Variants in SF3B1 observed in about 807,000 individuals in gnomAD.
SF3B1 encodes splicing factor 3b subunit 1, also known as pre-mRNA processing 10.
SF3B1 carries 12 observed loss-of-function variants against 153.8 expected under a neutral mutation model. The observed-to-expected ratio is 0.08, with a 90% CI of 0.05 to 0.13. The LOEUF (loss-of-function observed/expected upper bound fraction) is 0.13. SF3B1 is among the 10% of genes least tolerant of loss of function. The pLI, the probability that SF3B1 is intolerant of heterozygous loss-of-function variation, is 1.00. For synonymous variants in SF3B1, 498 were observed against 525.2 expected (o/e 0.95, Z 0.71); for missense variants, 513 against 1,606.1 (o/e 0.32, Z 11.63).
At chr2:197,432,814 C>T (rs1339988321) in intron 1 of SF3B1, among the ~76,000 whole-genome samples, 2 of 151,658 alleles carry the variant, frequency 1.3e-5, no homozygotes, top group African/African-American at 4.8e-5. Context: ...TGCTGTGAGC[C>T]GAGATTGCAC....
At position 197,391,951 on chromosome 2, in the gene SF3B1, C is replaced by T. The variant is rs1010705134; in HGVS notation, c.*352G>A. ...TATCAAAGTTCCGCATTTTACAAGT[C>T]ATGTTCAAAAAACACACACAAATTA... is the stretch of plus-strand genomic sequence containing the variant. On this transcript the variant is annotated 3_prime_UTR_variant, in exon 25 of 25. Coordinates refer to ENST00000335508, the MANE Select transcript of SF3B1 (RefSeq NM_012433.4). The T allele has an allele frequency of 5.0e-6, 1 of 199,146 alleles. No homozygotes were observed. Among genetic ancestry groups the T allele is most frequent in the Non-Finnish European group, 1.0e-5 (1 of 96,468 alleles). 12.3% of individuals were successfully genotyped at this position (199,146 alleles called of 1,614,324 possible).
chr2:197,398,022 T>C lies in SF3B1; in HGVS notation c.3229A>G (p.Thr1077Ala). ...GCAATATAACCAAATGTGTTGACTG[T>C]GGCTCTACGAATAGCCTTTTTGTGG... ...KAHKKAIRRA[T>A]VNTFGYIAKA... Residue 1077 changes from threonine to alanine, a missense_variant, in exon 22 of 25, where the codon ACA becomes GCA. This residue lies in a region of SF3B1 where 17 missense variants were observed against 246.2 expected (regional missense o/e 0.07). Coordinates refer to ENST00000335508, the MANE Select transcript of SF3B1 (RefSeq NM_012433.4). The C allele has an allele frequency of 6.2e-7, 1 of 1,613,674 alleles. No homozygotes were observed. The highest frequency in any genetic ancestry group is 8.5e-7 in the Non-Finnish European group (1 of 1,179,614).
rs973265571 is a variant in SF3B1 at position 197,390,161 on chromosome 2, A to G, written c.*2142T>C. On this transcript the variant is annotated 3_prime_UTR_variant, in exon 25 of 25. Coordinates refer to ENST00000335508, the MANE Select transcript of SF3B1 (RefSeq NM_012433.4). Reference sequence around the variant, plus strand: ...AATGTTTTAGGTCATAGCTTTCACTACTTCCCTCCTCTCTATCCTCAAATT... The same window carrying G: ...AATGTTTTAGGTCATAGCTTTCACTGCTTCCCTCCTCTCTATCCTCAAATT... 2.6e-5 allele frequency: 4 copies of G among 152,162 alleles called. No individual in the cohort carries two copies. The highest frequency in any genetic ancestry group is 2.0e-4 in the Admixed American group (3 of 15,264). 9.4% of individuals were successfully genotyped at this position (152,162 alleles called of 1,614,324 possible).
chr2:197,417,019 T>C (rs699318), intron 5 of SF3B1, 108 bp from the exon 6 acceptor site: 766,172 of 1,126,530 alleles, frequency 0.68, 262,924 homozygotes, highest in Middle Eastern at 0.85. Flanking sequence ...GCTCATTCTC[T>C]TTTCTATGTA....
chr2:197,392,240 C>T lies in SF3B1; in HGVS notation c.*63G>A, dbSNP rs2084817141. 6 of 730,146 alleles carry T rather than the reference C, an allele frequency of 8.2e-6. No homozygotes were observed. The East Asian group carries it at 1.0e-4, about 12-fold the overall frequency. The allele number at this position is 730,146 out of a possible 1,614,324, so 45.2% of individuals were successfully genotyped here. A position where few individuals can be genotyped will look rare whatever the true frequency, so the allele number is the denominator to read the frequency against. ...CTGCAATGTTTAAAAGTTTACATCA[C>T]CAAATCAAAGCAAGTTTAAGGTGTG... On this transcript the variant is annotated 3_prime_UTR_variant, in exon 25 of 25. Transcript: ENST00000335508.
chr2:197,404,561 A>G (rs1480812354), intron 11 of SF3B1, among the ~76,000 whole-genome samples: 1 of 151,990 alleles, frequency 6.6e-6, no homozygotes. Flanking sequence ...TGGGCAAGAG[A>G]GCAAGACCCT....
At chr2:197,420,178 C>T in intron 4 of SF3B1, 1 of 417,652 alleles carries the variant, frequency 2.4e-6, no homozygotes. Flanking sequence ...AAAGTAAAAC[C>T]TTTAACCCTT....
intron 9 of SF3B1, among the ~76,000 whole-genome samples, chr2:197,406,184 G>C (rs1461791163): frequency 6.7e-6 from 1 of 149,346 alleles, no homozygotes; most frequent in Non-Finnish European, 1.5e-5. Context: ...TGGGAGGAAC[G>C]CTTGAGCCCA....
chr2:197,393,222 C>G (rs755251365), intron 23 of SF3B1, 34 bp from the exon 24 acceptor site: 2 of 1,420,746 alleles, frequency 1.4e-6, no homozygotes, highest in Non-Finnish European at 2.0e-6. Context: ...CTTTAAGATG[C>G]GGTCTTATAA....
At chr2:197,432,120 T>A (rs906868848) in intron 1 of SF3B1, among the ~76,000 whole-genome samples, 1 of 152,146 alleles carries the variant, frequency 6.6e-6, no homozygotes, top group Non-Finnish European at 1.5e-5. Flanking sequence ...CAAGACCCGG[T>A]CTCAAAAATA....
intron 1 of SF3B1, among the ~76,000 whole-genome samples, chr2:197,431,221 G>A (rs1452414263): frequency 6.8e-6 from 1 of 147,080 alleles, no homozygotes; most frequent in Non-Finnish European, 1.5e-5. Context: ...GGGTTCAAGC[G>A]ATTCTCCTGC....
chr2:197,425,268 C>T (rs903431277), intron 1 of SF3B1, among the ~76,000 whole-genome samples: 3 of 152,188 alleles, frequency 2.0e-5, no homozygotes, highest in Non-Finnish European at 4.4e-5. Context: ...GAGTTCAAGA[C>T]CAGCCTGGCC....
chr2:197,403,881 C>A, intron 11 of SF3B1, 117 bp from the exon 12 acceptor site: 1 of 700,762 alleles, frequency 1.4e-6, no homozygotes, highest in Non-Finnish European at 2.3e-6. Flanking sequence ...CTTTTACACA[C>A]ATTTTACATA....
intron 3 of SF3B1, 120 bp from the exon 4 acceptor site, chr2:197,420,662 G>A: frequency 3.3e-6 from 2 of 602,350 alleles, no homozygotes; most frequent in Non-Finnish European, 5.8e-6. Flanking sequence ...CTAATATTCT[G>A]TACCGTTTCA....
In SF3B1 at chr2:197,392,366, G is replaced by T; in HGVS notation, c.3852C>A (p.Tyr1284Ter). 6.3e-7 allele frequency: 1 copy of T among 1,586,206 alleles called. No individual in the cohort carries two copies. Among genetic ancestry groups the T allele is most frequent in the Non-Finnish European group, 8.7e-7 (1 of 1,154,922 alleles). ...TCTTATCATCGTTGTAGATTCTTGG[G>T]TAATGTGCTATGAGAGCGTCCTGGG... is the stretch of plus-strand genomic sequence containing the variant. ...IGSQDALIAHYPRIYNDDKNT... is the reference protein window; with the variant it reads ...IGSQDALIAH The change falls in exon 25 of 25, where the codon TAC becomes TAA. Residue 1284 changes from tyrosine to a stop codon, truncating the protein, a stop_gained. Transcript: ENST00000335508. LOFTEE classifies it high-confidence loss of function.
intron 6 of SF3B1, 22 bp from the exon 7 acceptor site, chr2:197,410,029 T>A (rs757164273): frequency 9.7e-6 from 14 of 1,449,496 alleles, no homozygotes; most frequent in Non-Finnish European, 1.2e-5. Flanking sequence ...AAAAAAATTT[T>A]ATTTCACACA....
In SF3B1 at chr2:197,419,229, G is replaced by A. The variant is rs2085202443; in HGVS notation, c.416-641C>T. On this transcript the variant is annotated intron_variant, in intron 4 of 24. Transcript: ENST00000335508. Reference sequence around the variant, plus strand: ...TTCTTAGAAAGCATAAATTAAAACTGGAAACATATTACTTTAAATATATTA... The same window carrying A: ...TTCTTAGAAAGCATAAATTAAAACTAGAAACATATTACTTTAAATATATTA... The A allele has an allele frequency of 9.7e-6, 4 of 414,372 alleles. No individual in the cohort carries two copies. In the South Asian group the frequency reaches 1.8e-4, roughly 19 times the overall value. 25.7% of individuals were successfully genotyped at this position (414,372 alleles called of 1,614,324 possible). A position where few individuals can be genotyped will look rare whatever the true frequency, so the allele number is the denominator to read the frequency against.
chr2:197,407,375 G>A (rs1012083028), intron 9 of SF3B1, among the ~76,000 whole-genome samples: 1 of 152,092 alleles, frequency 6.6e-6, no homozygotes, highest in Non-Finnish European at 1.5e-5. Context: ...GAGGCTGAGA[G>A]GGACGGATCA....
Position 197,392,187 on chromosome 2 carries a change from C to T in SF3B1, c.*116G>A, listed in dbSNP as rs1458849479. ...AAATCATGCTACTGGATTTCTAGCT[C>T]TTCCTCTATGACCAGTTCTACACTG... On this transcript the variant is annotated 3_prime_UTR_variant, in exon 25 of 25. Coordinates refer to ENST00000335508, the MANE Select transcript of SF3B1 (RefSeq NM_012433.4). The T allele has an allele frequency of 2.1e-6, 1 of 479,932 alleles. No homozygotes were observed. The highest frequency in any genetic ancestry group is 3.2e-5 in the East Asian group (1 of 31,366). 29.7% of individuals were successfully genotyped at this position (479,932 alleles called of 1,614,324 possible).
Sources: allele counts gnomAD v4.1 joint callset (sites outside exome capture counted in the v4.1 genomes callset), GRCh38; gene constraint gnomAD v4.1.1; regional missense constraint gnomAD v4.1.1; transcripts MANE v1.5; gene names NCBI Gene and HGNC (gene_info 2026-07-23, HGNC 2026-07-21).